Variants in RALYL observed in about 807,000 individuals in gnomAD.
RALYL encodes RNA-binding Raly-like protein.
Under a neutral mutation model 35.1 loss-of-function variants are expected in RALYL, and 29 were observed. The ratio of observed to expected loss-of-function variants is 0.83; its 90% CI spans 0.61 to 1.13. The LOEUF (loss-of-function observed/expected upper bound fraction) is 1.13, where lower values mean the gene tolerates loss of function less well. Among genes scored for constraint, RALYL ranks in the 50% most tolerant of loss-of-function variants. The probability of loss-of-function intolerance (pLI) is 0.00; values close to 1 mark genes in which losing one functional copy is unlikely to be tolerated. For synonymous variants in RALYL, 120 were observed against 127.6 expected, an observed-to-expected ratio of 0.94 and a Z score of 0.40; for missense variants, 359 against 360.4, an observed-to-expected ratio of 1.00 and a Z score of 0.03.
intron 3 of RALYL, among the ~76,000 whole-genome samples, chr8:84,786,127 A>G (rs752239964): frequency 1.3e-5 from 2 of 152,198 alleles, no homozygotes; most frequent in Admixed American, 6.5e-5. Context: ...AATGACTTCT[A>G]GCTCCATCCA....
At chr8:84,566,448 T>C (rs2061788293) in intron 2 of RALYL, among the ~76,000 whole-genome samples, 1 of 151,624 alleles carries the variant, frequency 6.6e-6, no homozygotes, top group African/African-American at 2.4e-5. Flanking sequence ...AAGGATTTTT[T>C]CTTCTCTGTG....
At chr8:84,626,473 T>A (rs1455069920) in intron 2 of RALYL, among the ~76,000 whole-genome samples, 1 of 152,190 alleles carries the variant, frequency 6.6e-6, no homozygotes, top group Non-Finnish European at 1.5e-5. Flanking sequence ...ATCAATCCAG[T>A]CAAACACTAG....
chr8:84,687,944 A>T (rs1047335749), intron 2 of RALYL, among the ~76,000 whole-genome samples: 1 of 152,094 alleles, frequency 6.6e-6, no homozygotes, highest in Non-Finnish European at 1.5e-5. Flanking sequence ...GGCACTTTAC[A>T]GACAGAAATA....
chr8:84,366,475 G>A (rs772683946), intron 1 of RALYL, among the ~76,000 whole-genome samples: 1 of 152,036 alleles, frequency 6.6e-6, no homozygotes, highest in Non-Finnish European at 1.5e-5. Context: ...GATGGAAAAG[G>A]ATGTTTAAAA....
intron 2 of RALYL, among the ~76,000 whole-genome samples, chr8:84,760,758 T>A (rs773193162): frequency 9.9e-5 from 15 of 151,876 alleles, no homozygotes; most frequent in Non-Finnish European, 1.5e-4. Flanking sequence ...AAGAAGGGAG[T>A]AAATAAACAT....
At chr8:84,458,983 T>G (rs918406805) in intron 1 of RALYL, among the ~76,000 whole-genome samples, 2 of 151,700 alleles carry the variant, frequency 1.3e-5, no homozygotes, top group Non-Finnish European at 3.0e-5. Context: ...TAAAAATCAT[T>G]ATGAATTATT....
intron 1 of RALYL, among the ~76,000 whole-genome samples, chr8:84,512,554 G>C (rs2057711733): frequency 6.6e-6 from 1 of 151,954 alleles, no homozygotes; most frequent in Non-Finnish European, 1.5e-5. Context: ...CATTTGTCTA[G>C]TTTTGTTTTT....
rs547353254 is a variant in RALYL, at chr8:84,398,867, G to A, written c.-23-130432G>A. ...CATGCGCCCGTAGTCCCAGCTACTC[G>A]GGAGGCTGAGACAGGAGAATTGCTT... On this transcript the variant is annotated intron_variant, in intron 1 of 8. Coordinates refer to ENST00000521268, the MANE Select transcript of RALYL (RefSeq NM_173848.7). Among the ~76,000 whole-genome samples the A allele has an allele frequency of 2.5e-4, 38 of 151,830 alleles. No individual in the cohort carries two copies. The South Asian group carries it at 7.3e-3, about 29-fold the overall frequency.
At chr8:84,677,054 C>A (rs1433274943) in intron 2 of RALYL, among the ~76,000 whole-genome samples, 1 of 152,140 alleles carries the variant, frequency 6.6e-6, no homozygotes, top group Non-Finnish European at 1.5e-5. Flanking sequence ...CTCTCTTGGG[C>A]CTCCCAAAGT....
At chr8:84,674,015 G>T (rs1435392773) in intron 2 of RALYL, among the ~76,000 whole-genome samples, 1 of 152,058 alleles carries the variant, frequency 6.6e-6, no homozygotes, top group African/African-American at 2.4e-5. Context: ...CATGAATATG[G>T]GATTTTTTTT....
At chr8:84,666,375 C>T (rs1309331642) in intron 2 of RALYL, among the ~76,000 whole-genome samples, 2 of 151,916 alleles carry the variant, frequency 1.3e-5, no homozygotes, top group African/African-American at 4.8e-5. Context: ...TGTATACAGG[C>T]ACACACACAA....
chr8:84,469,389 G>A (rs1302084280), intron 1 of RALYL, among the ~76,000 whole-genome samples: 2 of 152,098 alleles, frequency 1.3e-5, no homozygotes, highest in Non-Finnish European at 2.9e-5. Flanking sequence ...CAGGTCTGTT[G>A]GAGTACCCTG....
intron 1 of RALYL, among the ~76,000 whole-genome samples, chr8:84,199,320 T>G (rs1816254050): frequency 6.6e-6 from 1 of 152,196 alleles, no homozygotes; most frequent in South Asian, 2.1e-4. Context: ...TATTCAAATA[T>G]TTTGTCCATT....
intron 2 of RALYL, among the ~76,000 whole-genome samples, chr8:84,716,263 AC>A (rs1240118352): frequency 3.6e-5 from 3 of 83,434 alleles, no homozygotes; most frequent in African/African-American, 1.6e-4. Flanking sequence ...CCCACACTTA[AC>A]AGTGTCTTTC....
intron 1 of RALYL, among the ~76,000 whole-genome samples, chr8:84,322,859 T>A (rs1845114296): frequency 6.6e-6 from 1 of 152,124 alleles, no homozygotes; most frequent in Non-Finnish European, 1.5e-5. Context: ...AAGTTATTGC[T>A]GCTAGGATAC....
chr8:84,258,409 G>T (rs1477061281), intron 1 of RALYL, among the ~76,000 whole-genome samples: 2 of 152,030 alleles, frequency 1.3e-5, no homozygotes, highest in Non-Finnish European at 2.9e-5. Flanking sequence ...ATACAGTCCT[G>T]CAGAAAGATT....
chr8:84,508,423 C>T (rs1448356830), intron 1 of RALYL, among the ~76,000 whole-genome samples: 1 of 152,052 alleles, frequency 6.6e-6, no homozygotes, highest in African/African-American at 2.4e-5. Context: ...GCCTTAGTTC[C>T]TTTCTGTAAA....
chr8:84,667,107 T>A (rs1163243180), intron 2 of RALYL, among the ~76,000 whole-genome samples: 3 of 152,136 alleles, frequency 2.0e-5, no homozygotes, highest in African/African-American at 7.2e-5. Flanking sequence ...TGCCATTTAA[T>A]TCATTTGCAG....
At chr8:84,720,109 C>T (rs1376053939) in intron 2 of RALYL, among the ~76,000 whole-genome samples, 2 of 151,878 alleles carry the variant, frequency 1.3e-5, no homozygotes, top group Admixed American at 6.6e-5. Flanking sequence ...TTTTTTATGG[C>T]TAAATAATAT....
Sources: allele counts gnomAD v4.1 joint callset (sites outside exome capture counted in the v4.1 genomes callset), GRCh38; gene constraint gnomAD v4.1.1; transcripts MANE v1.5; gene names NCBI Gene and HGNC (gene_info 2026-07-23, HGNC 2026-07-21).